Variants in GPC5 observed in about 807,000 individuals in gnomAD.
GPC5 encodes glypican 5, also known as glypican-5.
A neutral mutation model predicts 53.9 loss-of-function variants in GPC5; 47 were observed. That is an observed-to-expected ratio of 0.87 (90% CI 0.69 to 1.11). GPC5 has a LOEUF of 1.11. Among genes scored for constraint, GPC5 ranks in the 50% most tolerant of loss-of-function variants. The pLI, the probability that GPC5 is intolerant of heterozygous loss-of-function variation, is 0.00. For missense variants in GPC5, 748 were observed against 713.1 expected, an observed-to-expected ratio of 1.05 and a Z score of -0.56; for synonymous variants, 286 against 263.3, an observed-to-expected ratio of 1.09 and a Z score of -0.84.
intron 7 of GPC5, among the ~76,000 whole-genome samples, chr13:92,408,160 A>C (rs1287855866): frequency 6.6e-6 from 1 of 152,192 alleles, no homozygotes; most frequent in African/African-American, 2.4e-5. Context: ...CCTACTGTGA[A>C]CTGCCCATGC....
At chr13:91,843,293 G>A (rs1374069661) in intron 5 of GPC5, among the ~76,000 whole-genome samples, 1 of 152,130 alleles carries the variant, frequency 6.6e-6, no homozygotes, top group African/African-American at 2.4e-5. Context: ...ATATAAACAT[G>A]TATTACAGAT....
At position 91,456,970 on chromosome 13, in the gene GPC5, C is replaced by G. The variant is rs74704808; in HGVS notation, c.325+8048C>G. ...TATTTATAAGAGGCTGGTGGAAAGA[C>G]AAAGACTGAGGGAGCATTTGAATAC... On this transcript the variant is annotated intron_variant, in intron 2 of 7. Coordinates refer to ENST00000377067, the MANE Select transcript of GPC5 (RefSeq NM_004466.6). Among the ~76,000 whole-genome samples, 10 of 151,726 alleles carry G rather than the reference C, an allele frequency of 6.6e-5. No homozygotes were observed. The East Asian group carries it at 1.9e-3, about 30-fold the overall frequency.
At chr13:91,609,565 C>T (rs913703397) in intron 2 of GPC5, among the ~76,000 whole-genome samples, 3 of 152,010 alleles carry the variant, frequency 2.0e-5, no homozygotes, top group Admixed American at 6.6e-5. Flanking sequence ...GCATATGAGT[C>T]GAATGAAACA....
intron 7 of GPC5, among the ~76,000 whole-genome samples, chr13:92,827,017 T>C (rs1877872192): frequency 6.6e-6 from 1 of 152,172 alleles, no homozygotes; most frequent in South Asian, 2.1e-4. Flanking sequence ...AAATCCTTGC[T>C]TTTCATGTCA....
chr13:92,737,576 A>C (rs1049369597), intron 7 of GPC5, among the ~76,000 whole-genome samples: 3 of 152,036 alleles, frequency 2.0e-5, no homozygotes, highest in Non-Finnish European at 4.4e-5. Context: ...ATAACTTACA[A>C]AGTGTTTTTC....
intron 6 of GPC5, among the ~76,000 whole-genome samples, chr13:92,115,508 C>T (rs2138934448): frequency 6.6e-6 from 1 of 152,190 alleles, no homozygotes. Flanking sequence ...CATCTCAAAA[C>T]TGTTCCACAC....
intron 5 of GPC5, among the ~76,000 whole-genome samples, chr13:91,776,469 G>A (rs1024370865): frequency 1.3e-5 from 2 of 152,128 alleles, no homozygotes; most frequent in Non-Finnish European, 2.9e-5. Context: ...CTTGAAGACT[G>A]GCCACAGCTA....
intron 7 of GPC5, among the ~76,000 whole-genome samples, chr13:92,711,400 T>TTTATCA (rs1295598122): frequency 6.6e-6 from 1 of 152,148 alleles, no homozygotes; most frequent in Non-Finnish European, 1.5e-5. Context: ...GTAGAAAATA[T>TTTATCA]TTATCATTTA....
intron 7 of GPC5, among the ~76,000 whole-genome samples, chr13:92,597,378 C>T (rs756312212): frequency 4.6e-5 from 7 of 151,954 alleles, no homozygotes; most frequent in Admixed American, 2.0e-4. Flanking sequence ...AGGAGCCAGA[C>T]GGATACTTTA....
chr13:91,438,365 G>A (rs1880148568), intron 1 of GPC5, among the ~76,000 whole-genome samples: 1 of 152,156 alleles, frequency 6.6e-6, no homozygotes, highest in East Asian at 1.9e-4. Context: ...CTGTTTGTTA[G>A]TTTTCCTTCT....
intron 2 of GPC5, among the ~76,000 whole-genome samples, chr13:91,607,231 G>A (rs961845862): frequency 2.6e-5 from 4 of 152,152 alleles, no homozygotes. Flanking sequence ...GGTGCACCTT[G>A]AAATTTTGAC....
chr13:91,449,042 A>G, intron 2 of GPC5, 120 bp downstream of exon 2: 1 of 1,138,412 alleles, frequency 8.8e-7, no homozygotes, highest in Non-Finnish European at 1.2e-6. Flanking sequence ...ATTCGGGTAT[A>G]AAATGAGGTT....
At chr13:92,322,481 T>C (rs2043222747) in intron 7 of GPC5, among the ~76,000 whole-genome samples, 1 of 152,102 alleles carries the variant, frequency 6.6e-6, no homozygotes. Context: ...TACTGGAAAA[T>C]TCTGGCATTC....
intron 5 of GPC5, among the ~76,000 whole-genome samples, chr13:91,769,890 C>T (rs531784671): frequency 3.3e-5 from 5 of 152,104 alleles, no homozygotes; most frequent in Non-Finnish European, 5.9e-5. Context: ...AACTGTATGT[C>T]GTATAATTCA....
At chr13:91,979,223 T>G (rs914724404) in intron 6 of GPC5, among the ~76,000 whole-genome samples, 1 of 151,290 alleles carries the variant, frequency 6.6e-6, no homozygotes, top group Non-Finnish European at 1.5e-5. Context: ...CCATAGTGAT[T>G]TTTTTTTTAA....
At chr13:91,621,955 C>G (rs1336585437) in intron 2 of GPC5, among the ~76,000 whole-genome samples, 3 of 151,824 alleles carry the variant, frequency 2.0e-5, no homozygotes, top group African/African-American at 7.3e-5. Context: ...TGAGAGCCCC[C>G]TCGAAAATCA....
chr13:91,554,760 G>A (rs534047906), intron 2 of GPC5, among the ~76,000 whole-genome samples: 4 of 152,108 alleles, frequency 2.6e-5, no homozygotes, highest in African/African-American at 4.8e-5. Flanking sequence ...TAACCTCTCC[G>A]TGGTGTTGAA....
chr13:92,614,365 T>A (rs1049748501), intron 7 of GPC5, among the ~76,000 whole-genome samples: 1 of 152,172 alleles, frequency 6.6e-6, no homozygotes, highest in Admixed American at 6.5e-5. Flanking sequence ...ATATCCTAAG[T>A]TGAAAATGCA....
chr13:92,795,421 C>A (rs1358654934), intron 7 of GPC5, among the ~76,000 whole-genome samples: 1 of 152,028 alleles, frequency 6.6e-6, no homozygotes, highest in African/African-American at 2.4e-5. Context: ...GACCTAAAAC[C>A]ATAAAAACCC....
Sources: gnomAD v4.1 joint callset for allele counts (sites outside exome capture counted in the v4.1 genomes callset) on GRCh38, gnomAD v4.1.1 for gene constraint, MANE v1.5 for transcripts, NCBI Gene and HGNC (gene_info 2026-07-23, HGNC 2026-07-21) for gene names.